PBRM1: variants seen among roughly 807,000 people sequenced by gnomAD.
The protein encoded by PBRM1 is protein polybromo-1.
In PBRM1, 27 loss-of-function variants were observed where a neutral mutation model predicts 194.5. That is an observed-to-expected ratio of 0.14 (90% confidence interval 0.10 to 0.19). PBRM1 has a LOEUF of 0.19. Ranked by LOEUF, PBRM1 falls within the 10% of genes least tolerant of loss-of-function variation. The pLI, the probability that PBRM1 is intolerant of heterozygous loss-of-function variation, is 1.00. For missense variants in PBRM1, 1,466 were observed against 2,077.2 expected, an observed-to-expected ratio of 0.71 and a Z score of 5.72; for synonymous variants, 655 against 693.2, an observed-to-expected ratio of 0.94 and a Z score of 0.87.
chr3:52,573,444 C>T (rs2153626523), intron 22 of PBRM1, among the ~76,000 whole-genome samples: 1 of 152,264 alleles, frequency 6.6e-6, no homozygotes, highest in Non-Finnish European at 1.5e-5. Flanking sequence ...CAGGTGCACA[C>T]CACCACGCCC....
intron 20 of PBRM1, among the ~76,000 whole-genome samples, chr3:52,581,514 A>G (rs1003404311): frequency 1.2e-4 from 18 of 152,232 alleles, no homozygotes; most frequent in African/African-American, 3.9e-4. Flanking sequence ...AAAAAAAAAA[A>G]AAGAATCAGA....
intron 13 of PBRM1, among the ~76,000 whole-genome samples, chr3:52,624,632 C>A (rs1026303651): frequency 2.0e-5 from 3 of 152,194 alleles, no homozygotes; most frequent in Non-Finnish European, 1.5e-5. Flanking sequence ...AGAAACACAG[C>A]CACAATGATT....
chr3:52,663,798 G>A (rs1440449480), intron 3 of PBRM1, among the ~76,000 whole-genome samples: 3 of 152,144 alleles, frequency 2.0e-5, no homozygotes, highest in Non-Finnish European at 2.9e-5. Context: ...GGTGGCTCAC[G>A]CCTGTAATCC....
intron 2 of PBRM1, among the ~76,000 whole-genome samples, chr3:52,677,361 A>G (rs2097128032): frequency 6.6e-6 from 1 of 150,482 alleles, no homozygotes; most frequent in Non-Finnish European, 1.5e-5. Flanking sequence ...CTCCTGCCTC[A>G]GCCTCCCAAG....
intron 11 of PBRM1, among the ~76,000 whole-genome samples, chr3:52,634,009 C>T (rs941466267): frequency 6.6e-6 from 1 of 152,178 alleles, no homozygotes; most frequent in Admixed American, 6.5e-5. Flanking sequence ...TTAATGAATT[C>T]TCCAGGAACT....
chr3:52,571,746 T>G (rs1379195962), intron 22 of PBRM1, among the ~76,000 whole-genome samples: 2 of 141,688 alleles, frequency 1.4e-5, no homozygotes, highest in African/African-American at 5.3e-5. Flanking sequence ...TGGGGCTAGG[T>G]AAGGTAGCTC....
chr3:52,545,643 G>A (rs747979790), downstream of PBRM1: 1 of 232,960 alleles, frequency 4.3e-6, no homozygotes, highest in Non-Finnish European at 8.5e-6. Context: ...AACAGTTAAA[G>A]GCCTTTTAAA....
chr3:52,637,060 G>C (rs896634354), intron 10 of PBRM1, among the ~76,000 whole-genome samples: 14 of 152,054 alleles, frequency 9.2e-5, no homozygotes, highest in South Asian at 2.1e-4. Flanking sequence ...GGAGCTAGAA[G>C]CAGATAAGAA....
intron 13 of PBRM1, among the ~76,000 whole-genome samples, chr3:52,618,754 C>T (rs1286371133): frequency 1.3e-5 from 2 of 149,214 alleles, no homozygotes; most frequent in African/African-American, 4.9e-5. Flanking sequence ...GCCACGACGC[C>T]CTGCTTTTTT....
chr3:52,672,039 C>G (rs1271125517), intron 2 of PBRM1, among the ~76,000 whole-genome samples: 1 of 152,176 alleles, frequency 6.6e-6, no homozygotes, highest in African/African-American at 2.4e-5. Flanking sequence ...TTCTAGAGGT[C>G]AGAAGTCCAA....
At chr3:52,682,720 T>C (rs374649428), upstream of PBRM1, among the ~76,000 whole-genome samples, 7 of 152,168 alleles carry the variant, frequency 4.6e-5, no homozygotes, top group African/African-American at 1.4e-4. Context: ...GATTATCAGC[T>C]TGATGTTGTC....
At chr3:52,591,038 C>T (rs770690691) in intron 17 of PBRM1, among the ~76,000 whole-genome samples, 24 of 152,118 alleles carry the variant, frequency 1.6e-4, no homozygotes, top group Non-Finnish European at 3.1e-4. Flanking sequence ...AATGACAATG[C>T]GTTCCTGATC....
At position 52,609,315 on chromosome 3, in the gene PBRM1, A is replaced by G; in HGVS notation, c.2565T>C (p.Asn855=). The G allele has an allele frequency of 6.2e-7, 1 of 1,608,806 alleles. No homozygotes were observed. Among genetic ancestry groups the G allele is most frequent in the Non-Finnish European group, 8.5e-7 (1 of 1,176,600 alleles). Residue 855 remains asparagine (N), a splice_region_variant and synonymous_variant, in exon 16 of 30, where the codon AAT becomes AAC. Coordinates refer to ENST00000296302, the Ensembl canonical transcript of PBRM1. This position sits in a 1 kb window ranked among gnomAD's most constrained non-coding sequence, Gnocchi z 4.1. The stretch of plus-strand genomic sequence containing the variant: ...TAAAAATGGCTTTGAAAACATACCG[A>G]TTCATCCTTCTTGCTCGTTCCAATA...
chr3:52,639,689 G>A (rs1343205637), intron 10 of PBRM1, among the ~76,000 whole-genome samples: 1 of 152,006 alleles, frequency 6.6e-6, no homozygotes, highest in African/African-American at 2.4e-5. Context: ...CCAAGATCAC[G>A]CCACTGCTCC....
At chr3:52,578,516 C>T (rs1399141325) in intron 21 of PBRM1, among the ~76,000 whole-genome samples, 2 of 152,188 alleles carry the variant, frequency 1.3e-5, no homozygotes, top group Admixed American at 1.3e-4. Context: ...CCTACCCAAC[C>T]CTATACCAGA....
chr3:52,667,862 C>A (rs1416301560), intron 3 of PBRM1, among the ~76,000 whole-genome samples: 1 of 149,910 alleles, frequency 6.7e-6, no homozygotes, highest in African/African-American at 2.5e-5. Flanking sequence ...GAGTTTGAGA[C>A]CAGCCTGAGT....
In PBRM1 at chr3:52,675,922, C is replaced by T. The variant is rs987880125; in HGVS notation, c.236+2578G>A. Among the ~76,000 whole-genome samples the T allele has an allele frequency of 1.0e-4, 11 of 108,314 alleles. 2 individuals are homozygous for T. Among genetic ancestry groups the T allele is most frequent in the Non-Finnish European group, 1.7e-4 (9 of 52,594 alleles). The allele number at this position is 108,314 out of a possible 152,430, so 71.1% of individuals were successfully genotyped here. ...CGAGGTCAGGAGATCGAGACCATCC[C>T]GGCTAAAATGGTGAAACCCCGTCTC... is the stretch of plus-strand genomic sequence containing the variant. On this transcript the variant is annotated intron_variant, in intron 2 of 29. Coordinates refer to ENST00000296302, the Ensembl canonical transcript of PBRM1.
At chr3:52,627,075 T>C (rs2095470590) in intron 13 of PBRM1, among the ~76,000 whole-genome samples, 198 bp downstream of exon 14, 1 of 151,842 alleles carries the variant, frequency 6.6e-6, no homozygotes, top group South Asian at 2.1e-4. Context: ...CATTTTCATC[T>C]GGGTCATCTA....
At chr3:52,662,061 A>C in intron 4 of PBRM1, 72 bp downstream of exon 5, 2 of 1,490,662 alleles carry the variant, frequency 1.3e-6, no homozygotes, top group Non-Finnish European at 1.8e-6. Flanking sequence ...AACAGCCCAG[A>C]GGGAATCACA....
Sources: allele counts gnomAD v4.1 joint callset (sites outside exome capture counted in the v4.1 genomes callset), GRCh38; gene constraint gnomAD v4.1.1; non-coding constraint Gnocchi (gnomAD v3.1); transcripts MANE v1.5; gene names NCBI Gene and HGNC (gene_info 2026-07-23, HGNC 2026-07-21).